The following EPHA6 variants were observed in gnomAD, a reference collection of about 807,000 sequenced individuals.
EPHA6 encodes EPH receptor A6.
EPHA6 carries 50 observed loss-of-function variants against 112.0 expected under a neutral mutation model. The ratio of observed to expected loss-of-function variants is 0.45; its 90% CI spans 0.36 to 0.56. EPHA6 has a LOEUF of 0.56. Ranked by LOEUF, EPHA6 falls within the 20% of genes least tolerant of loss-of-function variation. The pLI is 0.00. For missense variants in EPHA6, 1,280 were observed against 1,417.4 expected (o/e 0.90, Z 1.56); for synonymous variants, 529 against 490.7 (o/e 1.08, Z -1.03).
intron 5 of EPHA6, among the ~76,000 whole-genome samples, chr3:97,336,490 G>C (rs1043395163): frequency 6.6e-6 from 1 of 152,132 alleles, no homozygotes; most frequent in African/African-American, 2.4e-5. Context: ...GAAAGTAGTA[G>C]AGCCAATCAT....
chr3:97,509,924 A>G (rs1003026577), intron 10 of EPHA6, among the ~76,000 whole-genome samples: 2 of 151,962 alleles, frequency 1.3e-5, no homozygotes, highest in African/African-American at 4.8e-5. Flanking sequence ...TTCATGCTTT[A>G]TTTCATTAAA....
At chr3:97,185,258 T>C (rs574980852) in intron 3 of EPHA6, among the ~76,000 whole-genome samples, 1 of 152,070 alleles carries the variant, frequency 6.6e-6, no homozygotes, top group Non-Finnish European at 1.5e-5. Context: ...CAAAAGAAAC[T>C]ACCATCAGAG....
At chr3:97,059,113 G>GA (rs1559700333) in intron 3 of EPHA6, among the ~76,000 whole-genome samples, 1 of 152,130 alleles carries the variant, frequency 6.6e-6, no homozygotes, top group African/African-American at 2.4e-5. Context: ...TGGAGAATAA[G>GA]AAAACTATTG....
chr3:97,309,363 T>A (rs1210820959), intron 5 of EPHA6, among the ~76,000 whole-genome samples: 3 of 151,614 alleles, frequency 2.0e-5, no homozygotes, highest in Non-Finnish European at 4.4e-5. Context: ...TTAATTGGTA[T>A]GATATTGTAC....
At chr3:96,873,245 CAG>C (rs1376883038) in intron 2 of EPHA6, among the ~76,000 whole-genome samples, 1 of 150,660 alleles carries the variant, frequency 6.6e-6, no homozygotes, top group Non-Finnish European at 1.5e-5. Flanking sequence ...GCCTGGAAGA[CAG>C]AGAAAGATTT....
At chr3:97,682,622 C>T (rs890906091) in intron 14 of EPHA6, among the ~76,000 whole-genome samples, 1 of 152,082 alleles carries the variant, frequency 6.6e-6, no homozygotes, top group Non-Finnish European at 1.5e-5. Context: ...CTCCCTATTA[C>T]ATTGTGGTTG....
intron 5 of EPHA6, among the ~76,000 whole-genome samples, chr3:97,386,864 C>A (rs2109042616): frequency 6.6e-6 from 1 of 152,332 alleles, no homozygotes; most frequent in African/African-American, 2.4e-5. Context: ...GAAATCTAGG[C>A]AGAAGCTCTC....
intron 1 of EPHA6, among the ~76,000 whole-genome samples, chr3:96,855,045 T>C (rs931609238): frequency 2.0e-4 from 31 of 152,120 alleles, no homozygotes; most frequent in African/African-American, 7.2e-4. Context: ...TTTCTTGCCC[T>C]TTTTAATGTC....
At chr3:96,830,285 T>A (rs111426310) in intron 1 of EPHA6, among the ~76,000 whole-genome samples, 1,576 of 152,176 alleles carry the variant, frequency 0.01, 26 homozygotes, top group African/African-American at 0.036. Context: ...AACTCGAACA[T>A]GTTTTATATT....
intron 2 of EPHA6, among the ~76,000 whole-genome samples, chr3:96,968,081 TGTA>T (rs1369352827): frequency 6.6e-6 from 1 of 151,868 alleles, no homozygotes; most frequent in African/African-American, 2.4e-5. Context: ...TAGTTTACAA[TGTA>T]GTTTTTCTAT....
chr3:97,284,425 C>T (rs2080394888), intron 5 of EPHA6, among the ~76,000 whole-genome samples: 1 of 152,130 alleles, frequency 6.6e-6, no homozygotes, highest in South Asian at 2.1e-4. Flanking sequence ...GAACATCTTA[C>T]TTCTTCCTTT....
At chr3:97,396,319 A>T (rs1378674524) in intron 5 of EPHA6, among the ~76,000 whole-genome samples, 1 of 148,664 alleles carries the variant, frequency 6.7e-6, no homozygotes, top group African/African-American at 2.5e-5. Flanking sequence ...AAACCTTAAT[A>T]TATCTAGTAT....
chr3:97,667,235 A>G (rs920809218), intron 14 of EPHA6, among the ~76,000 whole-genome samples: 1 of 152,216 alleles, frequency 6.6e-6, no homozygotes, highest in Non-Finnish European at 1.5e-5. Flanking sequence ...TAGCAAACAT[A>G]TACAAATTTA....
chr3:97,532,243 A>G, intron 10 of EPHA6, 115 bp from the exon 11 acceptor site: 4 of 847,442 alleles, frequency 4.7e-6, no homozygotes, highest in Non-Finnish European at 7.2e-6. Flanking sequence ...TTATATGAAA[A>G]TAACATACTT....
At chr3:97,586,914 T>C (rs1014068528) in intron 11 of EPHA6, among the ~76,000 whole-genome samples, 1 of 152,164 alleles carries the variant, frequency 6.6e-6, no homozygotes, top group African/African-American at 2.4e-5. Context: ...ATGGCTACTA[T>C]GTGCCAGTTA....
At chr3:97,208,740 C>G (rs1448621982) in intron 3 of EPHA6, among the ~76,000 whole-genome samples, 2 of 149,354 alleles carry the variant, frequency 1.3e-5, no homozygotes, top group East Asian at 2.0e-4. Context: ...GAGCAAGACT[C>G]TGTCTCAATT....
chr3:96,846,193 T>C (rs2107347599), intron 1 of EPHA6, among the ~76,000 whole-genome samples: 1 of 152,170 alleles, frequency 6.6e-6, no homozygotes, highest in South Asian at 2.1e-4. Context: ...TAATGTAAAC[T>C]GTATTTTGAT....
chr3:97,242,984 A>G (rs1296485993), intron 4 of EPHA6, among the ~76,000 whole-genome samples: 1 of 151,842 alleles, frequency 6.6e-6, no homozygotes, highest in East Asian at 1.9e-4. Flanking sequence ...GAAGACATTC[A>G]GGTAATATTT....
At chr3:97,272,161 C>T (rs1038822193) in intron 5 of EPHA6, among the ~76,000 whole-genome samples, 5 of 152,182 alleles carry the variant, frequency 3.3e-5, no homozygotes, top group Non-Finnish European at 5.9e-5. Flanking sequence ...AAAGATTCCA[C>T]ACATAAATGA....
Sources: gnomAD v4.1 joint callset for allele counts (sites outside exome capture counted in the v4.1 genomes callset) on GRCh38, gnomAD v4.1.1 for gene constraint, MANE v1.5 for transcripts, NCBI Gene and HGNC (gene_info 2026-07-23, HGNC 2026-07-21) for gene names.